Variants in KHDRBS2 observed in about 807,000 individuals in gnomAD.
The protein encoded by KHDRBS2 is KH domain-containing, RNA-binding, signal transduction-associated protein 2.
In KHDRBS2, 26 loss-of-function variants were observed where a neutral mutation model predicts 44.3. The ratio of observed to expected loss-of-function variants is 0.59; its 90% CI spans 0.43 to 0.81. KHDRBS2 has a LOEUF of 0.81. Ranked by LOEUF, KHDRBS2 falls within the 40% of genes least tolerant of loss-of-function variation. KHDRBS2 has a pLI of 0.00. For synonymous variants in KHDRBS2, 194 were observed against 151.1 expected, an observed-to-expected ratio of 1.28 and a Z score of -2.08; for missense variants, 476 against 433.1, an observed-to-expected ratio of 1.10 and a Z score of -0.88.
At chr6:61,547,988 C>G in the KHDRBS2 span, among the ~76,000 whole-genome samples, 4 of 152,024 alleles carry the variant, frequency 2.6e-5, no homozygotes, top group African/African-American at 7.2e-5. Context: ...AAAGTAATCT[C>G]CAAATCAACA....
intron 2 of KHDRBS2, among the ~76,000 whole-genome samples, chr6:62,061,173 A>T (rs1791749913): frequency 6.6e-6 from 1 of 151,488 alleles, no homozygotes; most frequent in Non-Finnish European, 1.5e-5. Flanking sequence ...GTCCATTTAC[A>T]TTTAGAGTTA....
chr6:62,038,648 G>C (rs1376099694), intron 3 of KHDRBS2, among the ~76,000 whole-genome samples: 2 of 151,920 alleles, frequency 1.3e-5, no homozygotes, highest in African/African-American at 4.8e-5. Flanking sequence ...AATTTTTCTC[G>C]TTAACATTCC....
chr6:61,953,998 A>C (rs1256763993), intron 4 of KHDRBS2, among the ~76,000 whole-genome samples: 1 of 152,194 alleles, frequency 6.6e-6, no homozygotes, highest in Admixed American at 6.5e-5. Context: ...GGTGATACAA[A>C]CATGACAAGT....
At chr6:62,188,604 A>G (rs1328030265) in intron 1 of KHDRBS2, among the ~76,000 whole-genome samples, 1 of 152,180 alleles carries the variant, frequency 6.6e-6, no homozygotes, top group Non-Finnish European at 1.5e-5. Flanking sequence ...AGTATGGGAA[A>G]TAAATGCATG....
the KHDRBS2 span, among the ~76,000 whole-genome samples, chr6:61,568,530 T>C: frequency 6.6e-6 from 1 of 152,048 alleles, no homozygotes; most frequent in East Asian, 1.9e-4. Flanking sequence ...CAGAAAAAAA[T>C]CACAGATCCT....
chr6:62,028,683 A>G (rs531830394), intron 3 of KHDRBS2, among the ~76,000 whole-genome samples: 4 of 152,240 alleles, frequency 2.6e-5, no homozygotes, highest in Admixed American at 1.3e-4. Context: ...ATACAAGAAC[A>G]TGTTTGTTTG....
chr6:61,972,489 T>G (rs1771639997), intron 4 of KHDRBS2, among the ~76,000 whole-genome samples: 1 of 152,194 alleles, frequency 6.6e-6, no homozygotes, highest in Non-Finnish European at 1.5e-5. Flanking sequence ...TTGTGCTTAC[T>G]GCCATTAGCT....
intron 6 of KHDRBS2, among the ~76,000 whole-genome samples, chr6:61,886,923 T>C (rs1184816129): frequency 2.6e-5 from 4 of 152,170 alleles, no homozygotes; most frequent in Non-Finnish European, 1.5e-5. Context: ...GAGGTCTTCA[T>C]GCAGGTATAA....
chr6:62,210,814 G>A (rs1286015169), intron 1 of KHDRBS2, among the ~76,000 whole-genome samples: 2 of 151,994 alleles, frequency 1.3e-5, no homozygotes, highest in African/African-American at 4.8e-5. Flanking sequence ...TAAAGATGAG[G>A]TTAGGCAATT....
intron 6 of KHDRBS2, among the ~76,000 whole-genome samples, chr6:61,755,130 C>T (rs1178375478): frequency 6.6e-6 from 1 of 152,080 alleles, no homozygotes; most frequent in Non-Finnish European, 1.5e-5. Context: ...TGTTATCCTC[C>T]ATGCAGGATA....
the KHDRBS2 span, among the ~76,000 whole-genome samples, chr6:61,666,764 T>C: frequency 1.3e-5 from 2 of 151,452 alleles, no homozygotes; most frequent in Non-Finnish European, 3.0e-5. Context: ...TTATTTGCCA[T>C]GTATTGCTTC....
chr6:61,561,746 G>C, the KHDRBS2 span, among the ~76,000 whole-genome samples: 1 of 152,144 alleles, frequency 6.6e-6, no homozygotes, highest in Non-Finnish European at 1.5e-5. Context: ...TCAGGGCAGT[G>C]GGCTCCTCTC....
At chr6:62,095,698 A>G (rs1800440269) in intron 2 of KHDRBS2, among the ~76,000 whole-genome samples, 1 of 151,884 alleles carries the variant, frequency 6.6e-6, no homozygotes, top group Non-Finnish European at 1.5e-5. Flanking sequence ...TCTAATTTGT[A>G]TACCTTTTAT....
At chr6:62,240,599 C>A (rs12524295) in intron 1 of KHDRBS2, among the ~76,000 whole-genome samples, 1 of 143,916 alleles carries the variant, frequency 6.9e-6, no homozygotes. Context: ...AATACATATA[C>A]ATACATATAT....
intron 1 of KHDRBS2, among the ~76,000 whole-genome samples, chr6:62,229,413 C>G (rs1208374230): frequency 1.3e-5 from 2 of 152,144 alleles, no homozygotes; most frequent in Non-Finnish European, 2.9e-5. Flanking sequence ...TGCTGCCCTT[C>G]CCCCGCTCTG....
At chr6:62,019,129 T>C (rs1781790150) in intron 3 of KHDRBS2, among the ~76,000 whole-genome samples, 1 of 152,082 alleles carries the variant, frequency 6.6e-6, no homozygotes, top group South Asian at 2.1e-4. Flanking sequence ...TTAATAACTC[T>C]GATGTTTCTG....
chr6:62,279,557 G>A (rs946669235), intron 1 of KHDRBS2, among the ~76,000 whole-genome samples: 50 of 152,132 alleles, frequency 3.3e-4, no homozygotes, highest in African/African-American at 1.2e-3. Context: ...AGACAACCAA[G>A]ATCAAAAAGA....
chr6:61,619,691 T>C, the KHDRBS2 span, among the ~76,000 whole-genome samples: 1 of 152,104 alleles, frequency 6.6e-6, no homozygotes, highest in Non-Finnish European at 1.5e-5. Flanking sequence ...TGACCTCAGG[T>C]GATCCACCTG....
chr6:61,628,350 C>T, the KHDRBS2 span, among the ~76,000 whole-genome samples: 8 of 145,942 alleles, frequency 5.5e-5, no homozygotes, highest in African/African-American at 1.8e-4. Flanking sequence ...ACTCAAATAT[C>T]TTTTTCAGAG....
Sources: allele counts gnomAD v4.1 joint callset (sites outside exome capture counted in the v4.1 genomes callset), GRCh38; gene constraint gnomAD v4.1.1; transcripts MANE v1.5; gene names NCBI Gene and HGNC (gene_info 2026-07-23, HGNC 2026-07-21).